Variants in AKAP6 observed in about 807,000 individuals in gnomAD.
AKAP6 encodes the protein A-kinase anchor protein 6.
AKAP6 carries 58 observed loss-of-function variants against 188.5 expected under a neutral mutation model. The observed-to-expected ratio is 0.31, with a 90% CI of 0.25 to 0.38. AKAP6 has a LOEUF of 0.38. AKAP6 is among the 10% of genes least tolerant of loss of function. The pLI, the probability that AKAP6 is intolerant of heterozygous loss-of-function variation, is 1.00. For synonymous variants in AKAP6, 989 were observed against 998.6 expected, an observed-to-expected ratio of 0.99 and a Z score of 0.18; for missense variants, 2,710 against 2,740.0, an observed-to-expected ratio of 0.99 and a Z score of 0.24.
At chr14:32,437,346 C>T (rs1283907341) in intron 2 of AKAP6, among the ~76,000 whole-genome samples, 1 of 152,164 alleles carries the variant, frequency 6.6e-6, no homozygotes, top group African/African-American at 2.4e-5. Flanking sequence ...CATTACCTAA[C>T]TTGTCTACAC....
chr14:32,596,825 T>C (rs1222998878), intron 5 of AKAP6, among the ~76,000 whole-genome samples: 1 of 152,198 alleles, frequency 6.6e-6, no homozygotes, highest in Non-Finnish European at 1.5e-5. Context: ...CTTCCTTCCC[T>C]TGGGAAAAGG....
At position 32,829,981 on chromosome 14, in the gene AKAP6, C is replaced by A. The variant is rs759090271; in HGVS notation, c.*176C>A. 14 of 702,570 alleles carry A rather than the reference C, an allele frequency of 2.0e-5. No homozygotes were observed. The highest frequency in any genetic ancestry group is 1.9e-4 in the South Asian group (13 of 67,566). 43.5% of individuals were successfully genotyped at this position (702,570 alleles called of 1,614,324 possible). A position where few individuals can be genotyped will look rare whatever the true frequency, so the allele number is the denominator to read the frequency against. Reference sequence around the variant, plus strand: ...AATCTTCCTTCCAAATGTGTTTTCTCCACACAAGCCTTGTGATCTGAATGT... The same window carrying A: ...AATCTTCCTTCCAAATGTGTTTTCTACACACAAGCCTTGTGATCTGAATGT... On this transcript the variant is annotated 3_prime_UTR_variant, in exon 14 of 14. Coordinates refer to ENST00000280979, the MANE Select transcript of AKAP6 (RefSeq NM_004274.5).
intron 4 of AKAP6, among the ~76,000 whole-genome samples, chr14:32,551,642 TTTTGTTTGTTTGTTTG>T (rs71115084): frequency 1.3e-5 from 2 of 148,844 alleles, no homozygotes; most frequent in South Asian, 2.1e-4. Flanking sequence ...ATTCTGTAAT[TTTTGTTTGTTTGTTTG>T]TTTGTTTGTT....
chr14:32,411,138 C>A (rs978249304), intron 1 of AKAP6, among the ~76,000 whole-genome samples: 1 of 151,974 alleles, frequency 6.6e-6, no homozygotes, highest in Non-Finnish European at 1.5e-5. Context: ...CTGGAGAGGT[C>A]GTGGCATCTA....
intron 1 of AKAP6, among the ~76,000 whole-genome samples, chr14:32,371,924 A>G (rs759773394): frequency 4.0e-5 from 6 of 151,758 alleles, no homozygotes; most frequent in Non-Finnish European, 8.8e-5. Flanking sequence ...TTTCACTCCT[A>G]TTTCTCTTTC....
At chr14:32,764,645 C>T (rs568494671) in intron 11 of AKAP6, among the ~76,000 whole-genome samples, 1 of 152,132 alleles carries the variant, frequency 6.6e-6, no homozygotes, top group East Asian at 1.9e-4. Flanking sequence ...AGCTACTTAA[C>T]CACTCTGTGT....
In AKAP6 at chr14:32,498,081, T is replaced by C. The variant is rs549826430; in HGVS notation, c.325-37473T>C. On this transcript the variant is annotated intron_variant, in intron 2 of 13. Transcript: ENST00000280979. ...TCAAGGTATAAGTAGAATTCACTGA[T>C]AGTTTTCAGTCGTCCTTCTACAATT... Among the ~76,000 whole-genome samples, 3 of 152,306 alleles carry C rather than the reference T, an allele frequency of 2.0e-5. No individual in the cohort carries two copies. In the East Asian group the frequency reaches 5.8e-4, roughly 29 times the overall value.
At chr14:32,792,556 A>G (rs1180892445) in intron 12 of AKAP6, among the ~76,000 whole-genome samples, 4 of 152,176 alleles carry the variant, frequency 2.6e-5, no homozygotes, top group Admixed American at 1.3e-4. Flanking sequence ...CAGTCATGCC[A>G]TCTGCAAACA....
At chr14:32,345,384 C>T (rs1887034717) in intron 1 of AKAP6, among the ~76,000 whole-genome samples, 1 of 152,100 alleles carries the variant, frequency 6.6e-6, no homozygotes, top group South Asian at 2.1e-4. Flanking sequence ...GTAAAAATTG[C>T]CTTGGAAATG....
At chr14:32,747,358 G>A (rs997080900) in intron 11 of AKAP6, among the ~76,000 whole-genome samples, 5 of 152,136 alleles carry the variant, frequency 3.3e-5, no homozygotes, top group Admixed American at 3.3e-4. Context: ...GTTGCTGTTG[G>A]CAAAGTTGCA....
intron 7 of AKAP6, among the ~76,000 whole-genome samples, chr14:32,672,783 G>C (rs913162085): frequency 6.6e-6 from 1 of 152,178 alleles, no homozygotes; most frequent in Non-Finnish European, 1.5e-5. Flanking sequence ...TGGGCATCCA[G>C]CCTGATAGGA....
chr14:32,506,609 G>A (rs772422506), intron 2 of AKAP6, among the ~76,000 whole-genome samples: 3 of 151,964 alleles, frequency 2.0e-5, no homozygotes, highest in South Asian at 2.1e-4. Context: ...TTGGGAAGTC[G>A]AGGCAGGAGG....
intron 7 of AKAP6, among the ~76,000 whole-genome samples, chr14:32,636,992 C>T (rs930185381): frequency 6.6e-6 from 1 of 152,028 alleles, no homozygotes; most frequent in Non-Finnish European, 1.5e-5. Context: ...AAAGCAGTAA[C>T]GCTGACAATA....
chr14:32,690,491 A>G (rs1311915641), intron 8 of AKAP6, among the ~76,000 whole-genome samples: 1 of 152,136 alleles, frequency 6.6e-6, no homozygotes, highest in African/African-American at 2.4e-5. Flanking sequence ...TATTACCATC[A>G]AATCTGCAGA....
At chr14:32,793,953 A>G (rs2033687023) in intron 12 of AKAP6, among the ~76,000 whole-genome samples, 1 of 151,872 alleles carries the variant, frequency 6.6e-6, no homozygotes, top group South Asian at 2.1e-4. Context: ...TGAGACAGAA[A>G]ATTAGCAAAA....
At chr14:32,455,089 C>T (rs1891110562) in intron 2 of AKAP6, among the ~76,000 whole-genome samples, 2 of 151,042 alleles carry the variant, frequency 1.3e-5, no homozygotes, top group African/African-American at 4.9e-5. Context: ...CCTCAGCCTC[C>T]TGAGTAGCTG....
intron 2 of AKAP6, among the ~76,000 whole-genome samples, chr14:32,466,846 T>TATATATATA (rs879653303): frequency 2.2e-4 from 32 of 142,620 alleles, no homozygotes; most frequent in Admixed American, 9.0e-4. Flanking sequence ...TATATATATA[T>TATATATATA]TTTCTTTCTT....
chr14:32,409,791 T>C (rs1281514091), intron 1 of AKAP6, among the ~76,000 whole-genome samples: 1 of 152,210 alleles, frequency 6.6e-6, no homozygotes, highest in Non-Finnish European at 1.5e-5. Context: ...GATGCTCATC[T>C]CTTAAAGACC....
chr14:32,666,742 T>A (rs1397132978), intron 7 of AKAP6, among the ~76,000 whole-genome samples: 1 of 152,018 alleles, frequency 6.6e-6, no homozygotes, highest in Non-Finnish European at 1.5e-5. Flanking sequence ...ATATCTTACA[T>A]TTTTGGTGCT....
Sources: gnomAD v4.1 joint callset for allele counts (sites outside exome capture counted in the v4.1 genomes callset) on GRCh38, gnomAD v4.1.1 for gene constraint, MANE v1.5 for transcripts, NCBI Gene and HGNC (gene_info 2026-07-23, HGNC 2026-07-21) for gene names.